The following GRIP2 variants were observed in gnomAD, a reference collection of about 807,000 sequenced individuals.
The protein encoded by GRIP2 is glutamate receptor interacting protein 2.
GRIP2 carries 58 observed loss-of-function variants against 108.3 expected under a neutral mutation model. The observed-to-expected ratio is 0.54, with a 90% confidence interval of 0.43 to 0.67. The LOEUF is 0.67. Among genes scored for constraint, GRIP2 ranks in the 30% least tolerant of loss-of-function variants. The probability of loss-of-function intolerance (pLI) is 0.00; values close to 1 mark genes in which losing one functional copy is unlikely to be tolerated. For synonymous variants in GRIP2, 586 were observed against 598.2 expected (o/e 0.98, Z 0.30); for missense variants, 1,278 against 1,430.6 (o/e 0.89, Z 1.72).
chr3:14,599,713 TTG>T, the GRIP2 span, among the ~76,000 whole-genome samples: 438 of 73,482 alleles, frequency 6.0e-3, 4 homozygotes, highest in African/African-American at 0.015. Flanking sequence ...GTGTGTGTGT[TTG>T]TGTGTGTGTG....
At chr3:14,555,546 C>A (rs1043408376) in intron 1 of GRIP2, among the ~76,000 whole-genome samples, 1 of 149,164 alleles carries the variant, frequency 6.7e-6, no homozygotes, top group African/African-American at 2.4e-5. Context: ...TGAGGGAGGG[C>A]AGACAGCAGG....
At chr3:14,578,858 T>TTTC in the GRIP2 span, among the ~76,000 whole-genome samples, 14 of 151,378 alleles carry the variant, frequency 9.2e-5, no homozygotes, top group East Asian at 3.9e-4. Context: ...TTTTTTTTTT[T>TTTC]TCTCTCTCTC....
intron 1 of GRIP2, among the ~76,000 whole-genome samples, chr3:14,552,322 T>C (rs972840150): frequency 1.3e-5 from 2 of 152,102 alleles, no homozygotes; most frequent in Non-Finnish European, 2.9e-5. Context: ...ATCACAGACA[T>C]GCACCACGGA....
At chr3:14,581,215 C>G in the GRIP2 span, among the ~76,000 whole-genome samples, 46 of 152,318 alleles carry the variant, frequency 3.0e-4, no homozygotes, top group African/African-American at 1.1e-3. Flanking sequence ...TGGAGCCCCA[C>G]CCTCCTCATC....
At chr3:14,560,479 G>A (rs1309408470), upstream of GRIP2, among the ~76,000 whole-genome samples, 2 of 152,172 alleles carry the variant, frequency 1.3e-5, no homozygotes, top group Non-Finnish European at 2.9e-5. Context: ...AGCAGACCAA[G>A]TAGCCTATCC....
At chr3:14,572,981 C>T in the GRIP2 span, 1 of 1,483,264 alleles carries the variant, frequency 6.7e-7, no homozygotes, top group East Asian at 2.3e-5. Context: ...CCAGGAGGCC[C>T]AGGAAGACCA....
chr3:14,501,675 C>G (rs1305347290), intron 21 of GRIP2, among the ~76,000 whole-genome samples: 1 of 152,324 alleles, frequency 6.6e-6, no homozygotes, highest in African/African-American at 2.4e-5. Context: ...CAGTGGTGAT[C>G]TATGGGTGGT....
At chr3:14,515,792 G>A (rs1335543925) in intron 11 of GRIP2, among the ~76,000 whole-genome samples, 1 of 151,984 alleles carries the variant, frequency 6.6e-6, no homozygotes, top group African/African-American at 2.4e-5. Context: ...ACCATACAAG[G>A]CTAATTTGTT....
the GRIP2 span, among the ~76,000 whole-genome samples, chr3:14,582,964 G>A: frequency 6.6e-6 from 1 of 152,240 alleles, no homozygotes; most frequent in Non-Finnish European, 1.5e-5. Flanking sequence ...CATTTGTTGA[G>A]TGAATGAGTG....
intron 1 of GRIP2, among the ~76,000 whole-genome samples, chr3:14,536,671 G>A (rs1374759264): frequency 1.3e-5 from 2 of 152,170 alleles, no homozygotes; most frequent in South Asian, 2.1e-4. Context: ...GAGCGGGGGC[G>A]CAGTCTCAAG....
chr3:14,513,196 G>A (rs879040132), intron 13 of GRIP2, among the ~76,000 whole-genome samples: 10 of 152,150 alleles, frequency 6.6e-5, no homozygotes, highest in Admixed American at 2.0e-4. Context: ...GTGCCAGGCC[G>A]TGGCTGGGTA....
the GRIP2 span, chr3:14,574,818 T>A: frequency 3.0e-6 from 1 of 333,550 alleles, no homozygotes; most frequent in South Asian, 2.7e-5. Context: ...TACATAACAA[T>A]GAAAAAGAAT....
chr3:14,514,619 A>AG, intron 11 of GRIP2, 141 bp from the exon 12 acceptor site: 1 of 774,618 alleles, frequency 1.3e-6, no homozygotes, highest in Non-Finnish European at 2.0e-6. Flanking sequence ...GACCAGACAG[A>AG]TCACAGCTCA....
Position 14,507,745 on chromosome 3 carries a change from G to T in GRIP2, c.2079-45C>A, listed in dbSNP as rs1301210067. ...CAGAGAATGGGAGTTAGACACTCAGGGCCTCAGAGTGGCAGTCTGCCCTCA... is the reference window on the plus strand; with the variant it reads ...CAGAGAATGGGAGTTAGACACTCAGTGCCTCAGAGTGGCAGTCTGCCCTCA... On this transcript the variant is annotated intron_variant, in intron 17 of 23. Transcript: ENST00000621039. The surrounding 1 kb of genome is among the most constrained non-coding windows in gnomAD (Gnocchi z 4.6). 1 of 1,591,900 alleles carries T rather than the reference G, an allele frequency of 6.3e-7. No homozygotes were observed. Among genetic ancestry groups the T allele is most frequent in the Admixed American group, 1.7e-5 (1 of 59,644 alleles).
At chr3:14,567,709 T>G in the GRIP2 span, among the ~76,000 whole-genome samples, 1 of 152,222 alleles carries the variant, frequency 6.6e-6, no homozygotes, top group South Asian at 2.1e-4. Context: ...CATTCAATAG[T>G]GCCCGTCATT....
intron 16 of GRIP2, 55 bp from the exon 17 acceptor site, chr3:14,510,019 T>C (rs1036801709): frequency 1.5e-6 from 2 of 1,359,668 alleles, no homozygotes; most frequent in Admixed American, 3.3e-5. Context: ...CCCAGCTTCC[T>C]AAAGCCTTGG....
chr3:14,541,399 G>A (rs1212377377), upstream of GRIP2, among the ~76,000 whole-genome samples: 1 of 152,206 alleles, frequency 6.6e-6, no homozygotes, highest in Non-Finnish European at 1.5e-5. Flanking sequence ...CTGACCGCGT[G>A]GGAACACACG....
chr3:14,538,128 T>C (rs190622847), intron 1 of GRIP2, among the ~76,000 whole-genome samples: 3 of 152,268 alleles, frequency 2.0e-5, no homozygotes, highest in Admixed American at 1.3e-4. Context: ...AGAAAGGGCA[T>C]AGGGCTGCCT....
rs371141235 is a variant in GRIP2 at position 14,493,764 on chromosome 3, C to T, written c.3033G>A (p.Ala1011=). The change falls in exon 24 of 24, where the codon GCG becomes GCA. Residue 1011 remains alanine (A), a synonymous_variant. Coordinates refer to ENST00000621039, the MANE Select transcript of GRIP2 (RefSeq NM_001080423.4). ...TGATGATCAGCTCCAAGACATCACC[C>T]GCCTCGGCCAGGAGTGGCACCGCCA... is the stretch of plus-strand genomic sequence containing the variant. The part of the protein sequence containing the change: ...CCLAVPLLAE[A]GDVLELIISR... 42 of 1,612,490 alleles carry T rather than the reference C, an allele frequency of 2.6e-5. No individual in the cohort carries two copies. The highest frequency in any genetic ancestry group is 8.0e-5 in the African/African-American group (6 of 74,924).
Sources: gnomAD v4.1 joint callset for allele counts (sites outside exome capture counted in the v4.1 genomes callset) on GRCh38, gnomAD v4.1.1 for gene constraint, Gnocchi (gnomAD v3.1) non-coding constraint, MANE v1.5 for transcripts, NCBI Gene and HGNC (gene_info 2026-07-23, HGNC 2026-07-21) for gene names.